Variants in TAFA1 observed in about 807,000 individuals in gnomAD.
The protein encoded by TAFA1 is chemokine-like protein TAFA-1.
TAFA1 carries 4 observed loss-of-function variants against 18.5 expected under a neutral mutation model. The ratio of observed to expected loss-of-function variants is 0.22; its 90% CI spans 0.11 to 0.49. The LOEUF (loss-of-function observed/expected upper bound fraction) is 0.49. Ranked by LOEUF, TAFA1 falls within the 20% of genes least tolerant of loss-of-function variation. The probability of loss-of-function intolerance (pLI) is 0.98; values close to 1 mark genes in which losing one functional copy is unlikely to be tolerated. For synonymous variants in TAFA1, 56 were observed against 55.2 expected (o/e 1.01, Z -0.06); for missense variants, 147 against 169.0 (o/e 0.87, Z 0.72).
At chr3:68,309,158 G>T (rs1455203541) in intron 2 of TAFA1, among the ~76,000 whole-genome samples, 4 of 152,114 alleles carry the variant, frequency 2.6e-5, no homozygotes, top group Admixed American at 6.6e-5. Context: ...AACCCTGAAA[G>T]CTCTGTAAAA....
At chr3:68,099,168 A>T (rs1180186541) in intron 2 of TAFA1, among the ~76,000 whole-genome samples, 1 of 152,212 alleles carries the variant, frequency 6.6e-6, no homozygotes, top group Non-Finnish European at 1.5e-5. Context: ...GACTCAATTA[A>T]ACTAAAGAGC....
At chr3:68,089,986 A>G (rs1235079334) in intron 2 of TAFA1, among the ~76,000 whole-genome samples, 1 of 152,170 alleles carries the variant, frequency 6.6e-6, no homozygotes, top group Non-Finnish European at 1.5e-5. Context: ...CACGAAGTGA[A>G]TATTTCACTA....
At chr3:68,076,935 G>T (rs1251899212) in intron 2 of TAFA1, among the ~76,000 whole-genome samples, 1 of 152,144 alleles carries the variant, frequency 6.6e-6, no homozygotes, top group Admixed American at 6.5e-5. Flanking sequence ...CAGTGTAAAA[G>T]TGTTCCTATT....
chr3:68,368,261 C>A (rs1263244845), intron 2 of TAFA1, among the ~76,000 whole-genome samples: 2 of 152,108 alleles, frequency 1.3e-5, no homozygotes, highest in Non-Finnish European at 2.9e-5. Flanking sequence ...GAAATAAACC[C>A]AATACATTAA....
intron 2 of TAFA1, among the ~76,000 whole-genome samples, chr3:68,118,352 G>A (rs1487829083): frequency 6.6e-6 from 1 of 152,156 alleles, no homozygotes; most frequent in African/African-American, 2.4e-5. Context: ...AGGAGGTGGA[G>A]CTCAGGCTGT....
At chr3:68,476,280 C>T (rs1012695495) in intron 3 of TAFA1, among the ~76,000 whole-genome samples, 1 of 152,160 alleles carries the variant, frequency 6.6e-6, no homozygotes, top group East Asian at 1.9e-4. Context: ...TTTTAAAGGT[C>T]CTGACCTTAA....
chr3:68,083,533 C>T (rs1339048292), intron 2 of TAFA1, among the ~76,000 whole-genome samples: 1 of 152,224 alleles, frequency 6.6e-6, no homozygotes, highest in African/African-American at 2.4e-5. Flanking sequence ...GGAACAGAGT[C>T]ATTCAGACCA....
chr3:68,403,132 C>G (rs1233682277), intron 2 of TAFA1, among the ~76,000 whole-genome samples: 1 of 152,122 alleles, frequency 6.6e-6, no homozygotes, highest in Non-Finnish European at 1.5e-5. Flanking sequence ...GGTTTGTAGC[C>G]TAGAAGTAAT....
chr3:68,210,755 A>T (rs915367207), intron 2 of TAFA1, among the ~76,000 whole-genome samples: 1 of 152,040 alleles, frequency 6.6e-6, no homozygotes, highest in African/African-American at 2.4e-5. Context: ...ACTTGGAGGT[A>T]GTATATTGGT....
At chr3:68,320,244 T>C (rs2068678037) in intron 2 of TAFA1, among the ~76,000 whole-genome samples, 2 of 152,186 alleles carry the variant, frequency 1.3e-5, no homozygotes, top group Non-Finnish European at 2.9e-5. Flanking sequence ...AGGCTTTGGT[T>C]TGTGGCCACA....
rs542699099 is a variant in TAFA1, at chr3:68,171,939, G to T, written c.118+165195G>T. Among the ~76,000 whole-genome samples the T allele has an allele frequency of 5.9e-5, 9 of 152,166 alleles. No individual in the cohort carries two copies. In the East Asian group the frequency reaches 1.7e-3, roughly 29 times the overall value. Reference sequence around the variant, plus strand: ...AAAACAAAATGAGGGAAAATGAACAGAAAAATGTGTGTGTTTAAACCTTAG... The same window carrying T: ...AAAACAAAATGAGGGAAAATGAACATAAAAATGTGTGTGTTTAAACCTTAG... On this transcript the variant is annotated intron_variant, in intron 2 of 4. Coordinates refer to ENST00000478136, the MANE Select transcript of TAFA1 (RefSeq NM_213609.4).
At position 68,390,335 on chromosome 3, in the gene TAFA1, A is replaced by C. The variant is rs148739281; in HGVS notation, c.119-26945A>C. On this transcript the variant is annotated intron_variant, in intron 2 of 4. Coordinates refer to ENST00000478136, the MANE Select transcript of TAFA1 (RefSeq NM_213609.4). ...TCATCTCTGGGCAGGGCATCTCTGA[A>C]AGAAAGGGAGAAACCCCAGTCAGGG... Among the ~76,000 whole-genome samples the C allele has an allele frequency of 5.9e-5, 9 of 152,270 alleles. No homozygotes were observed. In the East Asian group the frequency reaches 9.7e-4, roughly 16 times the overall value.
At chr3:68,065,759 T>A (rs920031166) in intron 2 of TAFA1, among the ~76,000 whole-genome samples, 2 of 145,756 alleles carry the variant, frequency 1.4e-5, no homozygotes, top group Non-Finnish European at 3.0e-5. Context: ...TATATATATA[T>A]ATATATACAC....
intron 2 of TAFA1, among the ~76,000 whole-genome samples, chr3:68,231,585 C>A (rs1295800765): frequency 1.3e-5 from 2 of 151,522 alleles, no homozygotes; most frequent in Admixed American, 6.6e-5. Flanking sequence ...TGGTCTCGAT[C>A]TCCTGACCTC....
At chr3:68,099,600 G>T (rs550014621) in intron 2 of TAFA1, among the ~76,000 whole-genome samples, 2 of 151,966 alleles carry the variant, frequency 1.3e-5, no homozygotes, top group Non-Finnish European at 2.9e-5. Flanking sequence ...ATTTCTCAAA[G>T]AACTAAAAAC....
intron 2 of TAFA1, among the ~76,000 whole-genome samples, chr3:68,234,382 T>C (rs1401571187): frequency 1.3e-5 from 2 of 152,140 alleles, no homozygotes; most frequent in African/African-American, 2.4e-5. Flanking sequence ...AAGATATATA[T>C]AGGGCTTGAG....
chr3:68,115,763 C>T (rs2065317881), intron 2 of TAFA1, among the ~76,000 whole-genome samples: 1 of 152,188 alleles, frequency 6.6e-6, no homozygotes, highest in South Asian at 2.1e-4. Flanking sequence ...TGCTGCTCCC[C>T]ATCCTATTTT....
chr3:68,427,657 C>G (rs4855472), intron 3 of TAFA1, among the ~76,000 whole-genome samples: 30 of 151,406 alleles, frequency 2.0e-4, no homozygotes, highest in Non-Finnish European at 3.2e-4. Context: ...ACCTACCACC[C>G]CCCCCATACA....
chr3:68,469,572 C>T (rs2071956820), intron 3 of TAFA1, among the ~76,000 whole-genome samples: 1 of 152,136 alleles, frequency 6.6e-6, no homozygotes, highest in Admixed American at 6.5e-5. Flanking sequence ...ACTCAGGAGG[C>T]TGAGGCAGGA....
Sources: allele counts gnomAD v4.1 joint callset (sites outside exome capture counted in the v4.1 genomes callset), GRCh38; gene constraint gnomAD v4.1.1; transcripts MANE v1.5; gene names NCBI Gene and HGNC (gene_info 2026-07-23, HGNC 2026-07-21).